The following PPA2 variants were observed in gnomAD, a reference collection of about 807,000 sequenced individuals.
The protein encoded by PPA2 is inorganic pyrophosphatase 2.
PPA2 carries 48 observed loss-of-function variants against 49.5 expected under a neutral mutation model. The observed-to-expected ratio is 0.97, with a 90% confidence interval of 0.77 to 1.23. PPA2 has a LOEUF of 1.23. PPA2 is among the 50% of genes most tolerant of loss of function. PPA2 has a pLI of 0.00. For synonymous variants in PPA2, 131 were observed against 139.9 expected (o/e 0.94, Z 0.45); for missense variants, 429 against 410.1 (o/e 1.05, Z -0.40).
intron 1 of PPA2, among the ~76,000 whole-genome samples, chr4:105,467,803 T>C (rs1309818845): frequency 1.3e-5 from 2 of 152,128 alleles, no homozygotes; most frequent in Non-Finnish European, 2.9e-5. Flanking sequence ...AGGTTATGGG[T>C]TAGCAACTAA....
intron 7 of PPA2, among the ~76,000 whole-genome samples, chr4:105,413,612 C>A (rs1377970149): frequency 6.6e-6 from 1 of 152,026 alleles, no homozygotes; most frequent in African/African-American, 2.4e-5. Context: ...TCACTGACAC[C>A]ATATAGAATC....
intron 10 of PPA2, among the ~76,000 whole-genome samples, chr4:105,374,939 G>A (rs965347833): frequency 6.7e-5 from 10 of 148,766 alleles, no homozygotes; most frequent in African/African-American, 2.5e-5. Flanking sequence ...TGATCTACCC[G>A]CCTCGGTCTC....
chr4:105,431,633 G>A (rs1723804130), intron 6 of PPA2, among the ~76,000 whole-genome samples: 1 of 152,144 alleles, frequency 6.6e-6, no homozygotes, highest in Non-Finnish European at 1.5e-5. Context: ...ATACATGAAT[G>A]TTCATAGCAG....
At chr4:105,471,031 C>T (rs553306193) in intron 1 of PPA2, among the ~76,000 whole-genome samples, 24 of 152,196 alleles carry the variant, frequency 1.6e-4, no homozygotes, top group Non-Finnish European at 2.6e-4. Context: ...AAGTTACATC[C>T]GAATTTTCCA....
chr4:105,426,318 T>C (rs1167572199), intron 6 of PPA2, among the ~76,000 whole-genome samples: 3 of 152,118 alleles, frequency 2.0e-5, no homozygotes, highest in Admixed American at 2.0e-4. Flanking sequence ...CTGGTTCATC[T>C]CATTGGGACT....
chr4:105,406,472 C>T (rs1401578046), intron 7 of PPA2, among the ~76,000 whole-genome samples: 1 of 151,360 alleles, frequency 6.6e-6, no homozygotes, highest in Non-Finnish European at 1.5e-5. Context: ...ATATCCTAAG[C>T]AGAATAAATA....
intron 1 of PPA2, among the ~76,000 whole-genome samples, chr4:105,472,304 T>C (rs994564514): frequency 6.6e-6 from 1 of 152,220 alleles, no homozygotes; most frequent in Non-Finnish European, 1.5e-5. Flanking sequence ...TCAACTACTC[T>C]GTGCGCTCCT....
At chr4:105,419,497 T>C (rs1346357750) in intron 7 of PPA2, among the ~76,000 whole-genome samples, 1 of 152,206 alleles carries the variant, frequency 6.6e-6, no homozygotes, top group Non-Finnish European at 1.5e-5. Context: ...TTGGACATTT[T>C]TTAGACTTTT....
rs774888718 is a variant in PPA2 at position 105,473,537 on chromosome 4, G to C, written c.157+357C>G. On this transcript the variant is annotated intron_variant, in intron 1 of 11. Transcript: ENST00000341695. ...CTTCCTCACTGAGTTGTGTGAACCG[G>C]GAACGGCGGCCGGGCCGGCTAATGG... 7 of 512,222 alleles carry C rather than the reference G, an allele frequency of 1.4e-5. No homozygotes were observed. The African/African-American group carries it at 1.4e-4, about 10-fold the overall frequency. The allele number at this position is 512,222 out of a possible 1,614,324, so 31.7% of individuals were successfully genotyped here. A position where few individuals can be genotyped will look rare whatever the true frequency, so the allele number is the denominator to read the frequency against.
intron 6 of PPA2, among the ~76,000 whole-genome samples, chr4:105,426,161 A>G (rs747029524): frequency 1.1e-4 from 16 of 152,178 alleles, no homozygotes; most frequent in Non-Finnish European, 2.9e-5. Flanking sequence ...TGTTTTATAT[A>G]TATACATAAT....
At chr4:105,413,928 A>G (rs1722878712) in intron 7 of PPA2, among the ~76,000 whole-genome samples, 1 of 152,228 alleles carries the variant, frequency 6.6e-6, no homozygotes, top group African/African-American at 2.4e-5. Flanking sequence ...AAAAGTCAAT[A>G]TAGCATCTCT....
intron 1 of PPA2, chr4:105,473,575 G>T (rs771324616): frequency 1.8e-6 from 1 of 549,518 alleles, no homozygotes; most frequent in Admixed American, 2.2e-5. Context: ...GCAGGCCGCC[G>T]CGGGGTGGCC....
chr4:105,453,886 T>G, intron 2 of PPA2: 1 of 342,922 alleles, frequency 2.9e-6, no homozygotes, highest in Non-Finnish European at 5.3e-6. Flanking sequence ...TTCACGTATA[T>G]TTTCCCAGTT....
intron 6 of PPA2, among the ~76,000 whole-genome samples, chr4:105,434,272 C>T (rs556610808): frequency 6.6e-6 from 1 of 152,116 alleles, no homozygotes; most frequent in African/African-American, 2.4e-5. Context: ...GCACATTGGA[C>T]CAAAAGATGT....
At chr4:105,414,586 C>T (rs535571237) in intron 7 of PPA2, among the ~76,000 whole-genome samples, 2 of 152,340 alleles carry the variant, frequency 1.3e-5, no homozygotes, top group East Asian at 1.9e-4. Context: ...CCAGGAAACA[C>T]GGTGGCACTT....
At chr4:105,423,705 A>T (rs1305510585) in intron 7 of PPA2, among the ~76,000 whole-genome samples, 4 of 152,196 alleles carry the variant, frequency 2.6e-5, no homozygotes, top group African/African-American at 4.8e-5. Context: ...AAATTTCGTT[A>T]GAGGGCAGTT....
intron 7 of PPA2, among the ~76,000 whole-genome samples, chr4:105,413,618 G>A (rs1722865004): frequency 6.6e-6 from 1 of 152,224 alleles, no homozygotes; most frequent in Non-Finnish European, 1.5e-5. Flanking sequence ...ACACCATATA[G>A]AATCCAGAAA....
At chr4:105,411,568 T>C (rs1446080071) in intron 7 of PPA2, among the ~76,000 whole-genome samples, 1 of 152,138 alleles carries the variant, frequency 6.6e-6, no homozygotes, top group Non-Finnish European at 1.5e-5. Context: ...CTATTCAACA[T>C]AGTGTTGGAA....
chr4:105,459,178 G>A (rs1444755176), intron 1 of PPA2, among the ~76,000 whole-genome samples: 1 of 152,016 alleles, frequency 6.6e-6, no homozygotes, highest in African/African-American at 2.4e-5. Flanking sequence ...TGTGCACAAC[G>A]TAAGGATAAA....
Sources: gnomAD v4.1 joint callset for allele counts (sites outside exome capture counted in the v4.1 genomes callset) on GRCh38, gnomAD v4.1.1 for gene constraint, MANE v1.5 for transcripts, NCBI Gene and HGNC (gene_info 2026-07-23, HGNC 2026-07-21) for gene names.